The following XRCC4 variants were observed in gnomAD, a reference collection of about 807,000 sequenced individuals.
The protein encoded by XRCC4 is DNA repair protein XRCC4.
A neutral mutation model predicts 39.1 loss-of-function variants in XRCC4; 28 were observed. The ratio of observed to expected loss-of-function variants is 0.72; its 90% CI spans 0.53 to 0.98. The LOEUF (loss-of-function observed/expected upper bound fraction) is 0.98, where lower values mean the gene tolerates loss of function less well. Ranked by LOEUF, XRCC4 falls within the 50% of genes least tolerant of loss-of-function variation. The pLI is 0.00. For missense variants in XRCC4, 350 were observed against 376.4 expected (o/e 0.93, Z 0.58); for synonymous variants, 123 against 126.4 (o/e 0.97, Z 0.18).
chr5:83,161,230 C>T lies in XRCC4; in HGVS notation c.316-34540C>T, dbSNP rs1450969037. ...GGTTCAAGCAATTCTCCTGCCTCAGCCTCCCAAGTAGCTGGGATTATGGGC... is the reference window on the plus strand; with the variant it reads ...GGTTCAAGCAATTCTCCTGCCTCAGTCTCCCAAGTAGCTGGGATTATGGGC... On this transcript the variant is annotated intron_variant, in intron 3 of 7. Coordinates refer to ENST00000396027, the MANE Select transcript of XRCC4 (RefSeq NM_003401.5). Among the ~76,000 whole-genome samples, 4 of 151,964 alleles carry T rather than the reference C, an allele frequency of 2.6e-5. No individual in the cohort carries two copies. In the East Asian group the frequency reaches 5.8e-4, roughly 22 times the overall value.
At chr5:83,121,225 A>T (rs984751413) in intron 3 of XRCC4, among the ~76,000 whole-genome samples, 2 of 152,156 alleles carry the variant, frequency 1.3e-5, no homozygotes, top group African/African-American at 4.8e-5. Flanking sequence ...CCAGTTTTGG[A>T]CTATAACCAA....
chr5:83,259,189 T>C (rs2112897995), intron 7 of XRCC4: 1 of 154,040 alleles, frequency 6.5e-6, no homozygotes, highest in Non-Finnish European at 1.4e-5. Flanking sequence ...TCAATTTAGG[T>C]GTGATGAGTT....
chr5:83,083,118 CT>C (rs1745026909), intron 1 of XRCC4, among the ~76,000 whole-genome samples: 1 of 152,142 alleles, frequency 6.6e-6, no homozygotes, highest in Non-Finnish European at 1.5e-5. Flanking sequence ...TCCATAGCCC[CT>C]ACCCCTATCT....
chr5:83,316,609 C>A (rs1755895075), intron 7 of XRCC4, among the ~76,000 whole-genome samples: 1 of 146,762 alleles, frequency 6.8e-6, no homozygotes, highest in Non-Finnish European at 1.5e-5. Flanking sequence ...ACAAAGAAGG[C>A]CATTACATAA....
intron 6 of XRCC4, among the ~76,000 whole-genome samples, chr5:83,206,027 T>A (rs1005881676): frequency 6.6e-6 from 1 of 151,928 alleles, no homozygotes; most frequent in Admixed American, 6.6e-5. Flanking sequence ...ACTGGGAGAA[T>A]TAGGAAATGA....
chr5:83,320,517 C>T (rs1281492729), intron 7 of XRCC4, among the ~76,000 whole-genome samples: 3 of 151,868 alleles, frequency 2.0e-5, no homozygotes, highest in Non-Finnish European at 2.9e-5. Flanking sequence ...AGAATATTGA[C>T]TCCAATTTTG....
intron 7 of XRCC4, among the ~76,000 whole-genome samples, chr5:83,316,096 T>C (rs1422783493): frequency 1.3e-5 from 2 of 152,080 alleles, no homozygotes; most frequent in Admixed American, 6.6e-5. Flanking sequence ...TTGATTCCAA[T>C]CCTTGTGGAT....
intron 6 of XRCC4, among the ~76,000 whole-genome samples, chr5:83,229,297 C>T (rs919297840): frequency 6.6e-6 from 1 of 151,950 alleles, no homozygotes; most frequent in Non-Finnish European, 1.5e-5. Flanking sequence ...ATTGTGCTGG[C>T]AGGTATTATG....
In XRCC4 at chr5:83,236,412, T is replaced by C. The variant is rs77274038; in HGVS notation, c.746-22118T>C. ...AGAATAGAGAACCCTCAGAAATAAA[T>C]CCATGCATTTACAGTGAACTCATGT... On this transcript the variant is annotated intron_variant, in intron 6 of 7. Coordinates refer to ENST00000396027, the MANE Select transcript of XRCC4 (RefSeq NM_003401.5). Among the ~76,000 whole-genome samples the C allele has an allele frequency of 2.9e-3, 435 of 151,948 alleles. 12 individuals carry two copies. In the East Asian group the frequency reaches 0.072, roughly 25 times the overall value.
Position 83,235,350 on chromosome 5 carries a change from A to AAAG in XRCC4, c.746-23178_746-23177insGAA, listed in dbSNP as rs1554067256. Among the ~76,000 whole-genome samples, 418 of 150,708 alleles carry AAAG rather than the reference A, an allele frequency of 2.8e-3. 1 individual carries two copies. Among genetic ancestry groups the AAAG allele is most frequent in the African/African-American group, 9.9e-3 (403 of 40,772 alleles). On this transcript the variant is annotated intron_variant, in intron 6 of 7. Coordinates refer to ENST00000396027, the MANE Select transcript of XRCC4 (RefSeq NM_003401.5). ...ACCCTATCTCAAAAAAAAAAAAAAA[A>AAAG]AAAGAAAGAAAGGAAAAAAAAAAGT... is the stretch of plus-strand genomic sequence containing the variant.
At chr5:83,372,482 G>A in the XRCC4 span, among the ~76,000 whole-genome samples, 14 of 152,260 alleles carry the variant, frequency 9.2e-5, no homozygotes, top group Admixed American at 5.2e-4. Flanking sequence ...CTACTCCGAG[G>A]TTCCCAAGCA....
the XRCC4 span, among the ~76,000 whole-genome samples, chr5:83,362,311 A>AAAAAAC: frequency 1.3e-5 from 2 of 150,690 alleles, no homozygotes; most frequent in East Asian, 3.9e-4. Flanking sequence ...AAAAAAAAAA[A>AAAAAAC]AAAAAAACTA....
chr5:83,183,203 C>T (rs1750278135), intron 3 of XRCC4, among the ~76,000 whole-genome samples: 1 of 151,992 alleles, frequency 6.6e-6, no homozygotes, highest in Non-Finnish European at 1.5e-5. Context: ...CCCCAGTCTT[C>T]CAAAAATTAA....
intron 3 of XRCC4, among the ~76,000 whole-genome samples, chr5:83,170,249 T>C (rs1392123271): frequency 6.6e-6 from 1 of 152,204 alleles, no homozygotes; most frequent in African/African-American, 2.4e-5. Flanking sequence ...TAAAAAAACC[T>C]AGTTGTAACT....
At chr5:83,125,814 C>G (rs1842020) in intron 3 of XRCC4, among the ~76,000 whole-genome samples, 70,381 of 151,710 alleles carry the variant, frequency 0.46, 17,196 homozygotes, top group African/African-American at 0.59. Context: ...GAAGCTCTGT[C>G]TCTACTAAAT....
rs767616931 is a variant in XRCC4, at chr5:83,294,037, CTT to C, written c.893+35363_893+35364del. Among the ~76,000 whole-genome samples the C allele has an allele frequency of 8.4e-4, 128 of 151,722 alleles. 1 individual carries two copies. Among genetic ancestry groups the C allele is most frequent in the Non-Finnish European group, 1.5e-3 (103 of 67,792 alleles). The stretch of plus-strand genomic sequence containing the variant: ...TTCCAAAATGTTCAAGGATGTTTGA[CTT>C]TTGTTTTTTTTTCTCTCTCTTTTAA... On this transcript the variant is annotated intron_variant, in intron 7 of 7. Coordinates refer to ENST00000396027, the MANE Select transcript of XRCC4 (RefSeq NM_003401.5).
chr5:83,097,002 A>T (rs956188638), intron 1 of XRCC4, among the ~76,000 whole-genome samples: 3 of 152,120 alleles, frequency 2.0e-5, no homozygotes, highest in Admixed American at 1.3e-4. Context: ...GCTTGACTTA[A>T]ATTTTAGGTA....
chr5:83,192,188 ATATG>A (rs1425128998), intron 3 of XRCC4, among the ~76,000 whole-genome samples: 1 of 149,048 alleles, frequency 6.7e-6, no homozygotes, highest in East Asian at 1.9e-4. Flanking sequence ...ACATACATAT[ATATG>A]TATGTATACG....
downstream of XRCC4, among the ~76,000 whole-genome samples, chr5:83,357,438 A>T (rs1251650538): frequency 6.6e-6 from 1 of 152,004 alleles, no homozygotes; most frequent in Non-Finnish European, 1.5e-5. Context: ...CAATTAAGAG[A>T]TTATGAGAAA....
Sources: gnomAD v4.1 joint callset for allele counts (sites outside exome capture counted in the v4.1 genomes callset) on GRCh38, gnomAD v4.1.1 for gene constraint, MANE v1.5 for transcripts, NCBI Gene and HGNC (gene_info 2026-07-23, HGNC 2026-07-21) for gene names.